ZNF608: variants seen among roughly 807,000 people sequenced by gnomAD.
ZNF608 encodes renal carcinoma antigen NY-REN-36.
A neutral mutation model predicts 109.0 loss-of-function variants in ZNF608; 12 were observed. The ratio of observed to expected loss-of-function variants is 0.11; its 90% CI spans 0.07 to 0.18. ZNF608 has a LOEUF of 0.18. ZNF608 is among the 10% of genes least tolerant of loss of function. The probability of loss-of-function intolerance (pLI) is 1.00; values close to 1 mark genes in which losing one functional copy is unlikely to be tolerated. For synonymous variants in ZNF608, 732 were observed against 717.4 expected, an observed-to-expected ratio of 1.02 and a Z score of -0.33; for missense variants, 1,707 against 1,879.3, an observed-to-expected ratio of 0.91 and a Z score of 1.70.
intron 3 of ZNF608, among the ~76,000 whole-genome samples, chr5:124,683,928 G>C (rs1752302540): frequency 2.0e-5 from 3 of 152,180 alleles, no homozygotes; most frequent in Admixed American, 2.0e-4. Context: ...AATCTTATCA[G>C]ATAATGTCTT....
At chr5:124,742,648 T>C (rs1749463246) in intron 2 of ZNF608, among the ~76,000 whole-genome samples, 1 of 152,240 alleles carries the variant, frequency 6.6e-6, no homozygotes, top group Non-Finnish European at 1.5e-5. Flanking sequence ...CAAGAGGATA[T>C]GAATTTATAA....
chr5:124,735,981 T>A (rs1749122897), intron 2 of ZNF608, among the ~76,000 whole-genome samples: 1 of 152,132 alleles, frequency 6.6e-6, no homozygotes. Flanking sequence ...GAGCTCATCT[T>A]CCACACAACT....
chr5:124,688,518 C>G (rs1387834473), intron 3 of ZNF608, among the ~76,000 whole-genome samples: 2 of 152,198 alleles, frequency 1.3e-5, no homozygotes, highest in Non-Finnish European at 2.9e-5. Context: ...GATGGGCAGT[C>G]TCATCCAGGA....
chr5:124,673,069 T>A (rs891523980), intron 3 of ZNF608, among the ~76,000 whole-genome samples: 2 of 152,140 alleles, frequency 1.3e-5, no homozygotes, highest in African/African-American at 4.8e-5. Context: ...AATTAATACA[T>A]TTCTGGAGCC....
chr5:124,692,011 C>T (rs1434361491), intron 3 of ZNF608, among the ~76,000 whole-genome samples: 1 of 151,840 alleles, frequency 6.6e-6, no homozygotes, highest in African/African-American at 2.4e-5. Flanking sequence ...ACTTTTCTTC[C>T]CAAATCTCCT....
intron 5 of ZNF608, among the ~76,000 whole-genome samples, chr5:124,645,208 A>G (rs1750440699): frequency 6.6e-6 from 1 of 152,234 alleles, no homozygotes; most frequent in African/African-American, 2.4e-5. Flanking sequence ...GAGGCTTAAT[A>G]TATTGGCTCA....
At chr5:124,679,637 T>C (rs957283949) in intron 3 of ZNF608, among the ~76,000 whole-genome samples, 6 of 152,230 alleles carry the variant, frequency 3.9e-5, no homozygotes, top group African/African-American at 7.2e-5. Flanking sequence ...GTACCTGTTA[T>C]TATTCTGAAG....
chr5:124,744,851 T>G lies in ZNF608; in HGVS notation c.139A>C (p.Lys47Gln). 1 of 1,614,184 alleles carries G rather than the reference T, an allele frequency of 6.2e-7. No individual in the cohort carries two copies. The highest frequency in any genetic ancestry group is 8.5e-7 in the Non-Finnish European group (1 of 1,180,034). The change falls in exon 2 of 10, where the codon AAA becomes CAA. Residue 47 changes from lysine to glutamine, a missense_variant. Lys to Gln is a moderately conservative substitution (Grantham distance 53, BLOSUM62 1). Coordinates refer to ENST00000513986, the MANE Select transcript of ZNF608 (RefSeq NM_020747.3). The surrounding 1 kb of genome is among the most constrained non-coding windows in gnomAD (Gnocchi z 4.5). Reference protein sequence around the residue: ...LDADLEKDRQKFEMNNSTTTT... With the variant: ...LDADLEKDRQQFEMNNSTTTT... ...GTGGTGGAATTATTCATCTCAAATT[T>G]CTGTCTGTCCTTCTCCAAATCAGCG... is the stretch of plus-strand genomic sequence containing the variant.
intron 3 of ZNF608, among the ~76,000 whole-genome samples, chr5:124,654,193 AT>A (rs552109996): frequency 5.4e-5 from 8 of 148,888 alleles, no homozygotes; most frequent in African/African-American, 1.7e-4. Flanking sequence ...TCTTTTTCCT[AT>A]TTTTTTTTAA....
At chr5:124,700,922 A>C in intron 3 of ZNF608, 92 bp downstream of exon 3, 2 of 1,526,282 alleles carry the variant, frequency 1.3e-6, no homozygotes, top group Non-Finnish European at 1.8e-6. Flanking sequence ...TTCCTCTCTG[A>C]ATACCGCAAA....
chr5:124,715,937 A>C (rs1231476768), intron 2 of ZNF608, among the ~76,000 whole-genome samples: 2 of 152,016 alleles, frequency 1.3e-5, no homozygotes, highest in African/African-American at 4.8e-5. Flanking sequence ...AGGTCAGGAG[A>C]TGGAGACCAT....
intron 3 of ZNF608, among the ~76,000 whole-genome samples, chr5:124,654,077 C>T (rs888189693): frequency 1.3e-5 from 2 of 152,184 alleles, no homozygotes; most frequent in African/African-American, 4.8e-5. Flanking sequence ...CCTGGCTGAG[C>T]CTCCTGATAC....
intron 3 of ZNF608, among the ~76,000 whole-genome samples, chr5:124,665,298 G>C (rs990381094): frequency 1.3e-5 from 2 of 152,132 alleles, no homozygotes; most frequent in African/African-American, 2.4e-5. Context: ...CTCTCTCCCT[G>C]CAACTCCCAC....
At chr5:124,708,060 T>C (rs544607393) in intron 2 of ZNF608, 1 of 152,338 alleles carries the variant, frequency 6.6e-6, no homozygotes, top group African/African-American at 2.4e-5. Context: ...TCCTGTTTTA[T>C]AGAAGCAGAA....
chr5:124,744,975 A>T lies in ZNF608; in HGVS notation c.15T>A (p.Ile5=), dbSNP rs1749585192. 6.2e-7 allele frequency: 1 copy of T among 1,609,950 alleles called. No homozygotes were observed. Among genetic ancestry groups the T allele is most frequent in the Non-Finnish European group, 8.5e-7 (1 of 1,177,708 alleles). The stretch of plus-strand genomic sequence containing the variant: ...GATCCACACCTTTTCCTGCAGTAGA[A>T]ATGTTCACTGACATCCTGAAGATGA... MSVN[I]STAGKGVDPN... is the part of the protein sequence containing the mutation. The change falls in exon 2 of 10, where the codon ATT becomes ATA. Residue 5 remains isoleucine, a synonymous_variant. Transcript: ENST00000513986. This position sits in a 1 kb window ranked among gnomAD's most constrained non-coding sequence, Gnocchi z 4.5.
chr5:124,724,787 G>A (rs1415065311), intron 2 of ZNF608, among the ~76,000 whole-genome samples: 1 of 152,030 alleles, frequency 6.6e-6, no homozygotes, highest in Non-Finnish European at 1.5e-5. Flanking sequence ...TAATTCACAC[G>A]GGGTAACATC....
At chr5:124,696,816 T>A (rs1752867207) in intron 3 of ZNF608, among the ~76,000 whole-genome samples, 1 of 152,176 alleles carries the variant, frequency 6.6e-6, no homozygotes. Flanking sequence ...ACATGTGTCT[T>A]CCTTACAGAG....
Position 124,646,950 on chromosome 5 carries a change from T to C in ZNF608, c.3434A>G (p.Gln1145Arg), listed in dbSNP as rs1750537789. Residue 1145 changes from glutamine (Q) to arginine (R), a missense_variant, in exon 5 of 10, where the codon CAG (glutamine) becomes CGG (arginine). By Grantham distance (43) the Gln-to-Arg change is conservative (BLOSUM62 1). This residue lies in a region of ZNF608 where 1,073 missense variants were observed against 1,133.5 expected (regional missense o/e 0.95). Coordinates refer to ENST00000513986, the MANE Select transcript of ZNF608 (RefSeq NM_020747.3). ...LKELGKEETK[Q>R]KNMPSATISK... is the part of the protein sequence containing the mutation. ...GATTGTGGCCGATGGCATATTTTTC[T>C]GTTTAGTTTCCTCCTTGCCCAGCTC... 6.2e-7 allele frequency: 1 copy of C among 1,613,958 alleles called. No homozygotes were observed. Among genetic ancestry groups the C allele is most frequent in the African/African-American group, 1.3e-5 (1 of 74,884 alleles).
chr5:124,743,409 T>A (rs545564768), intron 2 of ZNF608, among the ~76,000 whole-genome samples: 1 of 152,158 alleles, frequency 6.6e-6, no homozygotes, highest in South Asian at 2.1e-4. Context: ...AGGGGTAGAG[T>A]GCTAACAGCC....
Sources: allele counts gnomAD v4.1 joint callset (sites outside exome capture counted in the v4.1 genomes callset), GRCh38; gene constraint gnomAD v4.1.1; regional missense constraint gnomAD v4.1.1; non-coding constraint Gnocchi (gnomAD v3.1); transcripts MANE v1.5; gene names NCBI Gene and HGNC (gene_info 2026-07-23, HGNC 2026-07-21).